MAP3K19: variants seen among roughly 807,000 people sequenced by gnomAD.
The protein encoded by MAP3K19 is SPS1/STE20-related protein kinase YSK4.
A neutral mutation model predicts 114.4 loss-of-function variants in MAP3K19; 91 were observed. The observed-to-expected ratio is 0.80, with a 90% CI of 0.67 to 0.95. MAP3K19 has a LOEUF of 0.95. Ranked by LOEUF, MAP3K19 falls within the 40% of genes least tolerant of loss-of-function variation. The pLI is 0.00. For synonymous variants in MAP3K19, 518 were observed against 530.5 expected (o/e 0.98, Z 0.32); for missense variants, 1,471 against 1,573.2 (o/e 0.94, Z 1.10).
At chr2:135,026,066 T>C (rs1688248442) in intron 3 of MAP3K19, among the ~76,000 whole-genome samples, 1 of 152,216 alleles carries the variant, frequency 6.6e-6, no homozygotes, top group South Asian at 2.1e-4. Context: ...TGGACTTTTC[T>C]TCATCAAAGA....
At chr2:134,966,353 T>G (rs1683345916) in intron 12 of MAP3K19, among the ~76,000 whole-genome samples, 1 of 152,174 alleles carries the variant, frequency 6.6e-6, no homozygotes, top group African/African-American at 2.4e-5. Context: ...TAATTTACAT[T>G]CACACCCAAC....
chr2:134,997,589 G>T (rs1378085179), intron 8 of MAP3K19, among the ~76,000 whole-genome samples: 2 of 152,090 alleles, frequency 1.3e-5, no homozygotes, highest in African/African-American at 4.8e-5. Flanking sequence ...GGGAGGCCAA[G>T]GTGGGAGGAT....
In MAP3K19 at chr2:135,044,385, G is replaced by A. The variant is rs574397947; in HGVS notation, c.-424+2800C>T. Among the ~76,000 whole-genome samples the A allele has an allele frequency of 9.1e-4, 138 of 152,314 alleles. 1 individual carries two copies. The highest frequency in any genetic ancestry group is 3.0e-3 in the African/African-American group (124 of 41,574). ...GTGGGTGGATCACCCGAGGTCAGGA[G>A]TTCGAGACCAACTTGGCCAACGTGG... On this transcript the variant is annotated intron_variant, in intron 1 of 12. Coordinates refer to ENST00000392915, the MANE Select transcript of MAP3K19 (RefSeq NM_025052.5).
intron 9 of MAP3K19, among the ~76,000 whole-genome samples, chr2:134,990,712 T>C (rs1171575801): frequency 6.6e-6 from 1 of 152,092 alleles, no homozygotes; most frequent in Non-Finnish European, 1.5e-5. Context: ...CTTATCCTCG[T>C]GAACCACCCG....
intron 12 of MAP3K19, among the ~76,000 whole-genome samples, chr2:134,967,459 T>C (rs574715574): frequency 7.0e-4 from 106 of 152,322 alleles, no homozygotes; most frequent in African/African-American, 2.2e-3. Context: ...TAAAACCTGA[T>C]TGTACATTTG....
At chr2:135,041,528 C>T (rs1171866918) in intron 1 of MAP3K19, among the ~76,000 whole-genome samples, 1 of 151,896 alleles carries the variant, frequency 6.6e-6, no homozygotes, top group Non-Finnish European at 1.5e-5. Context: ...TTGGTAGAGA[C>T]GAGTTGGCCA....
chr2:135,010,393 G>A (rs1687139885), intron 5 of MAP3K19, among the ~76,000 whole-genome samples: 1 of 152,190 alleles, frequency 6.6e-6, no homozygotes, highest in African/African-American at 2.4e-5. Context: ...TTTAAGATGT[G>A]CTTGGGTGCC....
rs1466567814 is a variant in MAP3K19 at position 135,033,895 on chromosome 2, G to A, written c.-283-3395C>T. The stretch of plus-strand genomic sequence containing the variant: ...GGGGGCTGACCCCCACCTCCCTCCC[G>A]GACGGGGTGGCTGCCGGGCGGAGAC... On this transcript the variant is annotated intron_variant, in intron 2 of 12. Transcript: ENST00000392915. 1.1e-3 allele frequency among the ~76,000 whole-genome samples: 53 copies of A among 49,080 alleles called. 4 individuals carry two copies. The highest frequency in any genetic ancestry group is 8.5e-3 in the African/African-American group (50 of 5,890). 32.2% of individuals were successfully genotyped at this position (49,080 alleles called of 152,430 possible).
intron 12 of MAP3K19, among the ~76,000 whole-genome samples, chr2:134,965,885 C>T (rs1258165305): frequency 6.6e-6 from 1 of 152,170 alleles, no homozygotes; most frequent in African/African-American, 2.4e-5. Context: ...CCTGCCCCAC[C>T]ACATACACAC....
At chr2:135,009,717 A>AT (rs1382357619) in intron 5 of MAP3K19, among the ~76,000 whole-genome samples, 1 of 152,118 alleles carries the variant, frequency 6.6e-6, no homozygotes, top group Non-Finnish European at 1.5e-5. Flanking sequence ...ATTTACATAT[A>AT]TAGTACCAGA....
rs754339078 is a variant in MAP3K19, at chr2:135,021,694, T to C, written c.138+21A>G. The C allele has an allele frequency of 3.5e-6, 5 of 1,436,796 alleles. No individual in the cohort carries two copies. The Middle Eastern group carries it at 5.3e-4, about 152-fold the overall frequency. 89.0% of individuals were successfully genotyped at this position (1,436,796 alleles called of 1,614,324 possible). On this transcript the variant is annotated intron_variant, in intron 5 of 12. Coordinates refer to ENST00000392915, the MANE Select transcript of MAP3K19 (RefSeq NM_025052.5). ...TAGATGGAGTAGGCTGTCCGTTGTT[T>C]CTTTAAAGGGAGGCTCTTACCTCAC...
chr2:135,036,637 ATGTGTGTGTGTGTGTG>A (rs57859657), intron 2 of MAP3K19, among the ~76,000 whole-genome samples: 1,808 of 140,282 alleles, frequency 0.013, 31 homozygotes, highest in African/African-American at 0.043. Flanking sequence ...GTTCAACATT[ATGTGTGTGTGTGTGTG>A]TGTGTGTGTG....
At chr2:134,984,631 A>G (rs72974396) in intron 10 of MAP3K19, among the ~76,000 whole-genome samples, 2,084 of 152,260 alleles carry the variant, frequency 0.014, 58 homozygotes, top group African/African-American at 0.048. Flanking sequence ...TTTACCTTGT[A>G]TGTTCTTCTG....
At chr2:135,043,546 G>A (rs151320983) in intron 1 of MAP3K19, among the ~76,000 whole-genome samples, 225 of 152,202 alleles carry the variant, frequency 1.5e-3, no homozygotes, top group Non-Finnish European at 3.0e-3. Flanking sequence ...TACTGGCCTC[G>A]CCATCAACAG....
At chr2:134,967,296 C>A (rs1683426153) in intron 12 of MAP3K19, among the ~76,000 whole-genome samples, 1 of 152,172 alleles carries the variant, frequency 6.6e-6, no homozygotes, top group Admixed American at 6.5e-5. Context: ...TGAAAAGTGG[C>A]CTCATGGGAT....
In MAP3K19 at chr2:134,986,296, G is replaced by A. The variant is rs1213544910; in HGVS notation, c.2576C>T (p.Pro859Leu). The A allele has an allele frequency of 6.2e-7, 1 of 1,613,830 alleles. No individual in the cohort carries two copies. The highest frequency in any genetic ancestry group is 1.3e-5 in the African/African-American group (1 of 74,910). The change falls in exon 10 of 13, where the codon CCC becomes CTC. Residue 859 changes from proline (P) to leucine (L), a missense_variant. By Grantham distance (98) the Pro-to-Leu change is moderately conservative (BLOSUM62 -3). Transcript: ENST00000392915. ...ATACTTGTTAGAATTCTTCTCACTG[G>A]GCACTGCCCAGCTGTCTTCTGAAGG... ...FIPSEDSWAV[P>L]SEKNSNKYVQ...
intron 10 of MAP3K19, among the ~76,000 whole-genome samples, chr2:134,984,320 C>T (rs970083009): frequency 6.6e-6 from 1 of 152,164 alleles, no homozygotes; most frequent in Non-Finnish European, 1.5e-5. Context: ...CTCATACACA[C>T]ATATTCACAT....
At chr2:135,031,750 G>A (rs951842160) in intron 2 of MAP3K19, among the ~76,000 whole-genome samples, 1 of 152,232 alleles carries the variant, frequency 6.6e-6, no homozygotes, top group Non-Finnish European at 1.5e-5. Context: ...TGGAGATTTA[G>A]TGGCTGAGGG....
chr2:135,008,903 T>G (rs1687019597), intron 5 of MAP3K19, among the ~76,000 whole-genome samples: 1 of 152,052 alleles, frequency 6.6e-6, no homozygotes, highest in Admixed American at 6.6e-5. Flanking sequence ...CTCAGCCTCC[T>G]GAGTAGCTGG....
Sources: gnomAD v4.1 joint callset for allele counts (sites outside exome capture counted in the v4.1 genomes callset) on GRCh38, gnomAD v4.1.1 for gene constraint, MANE v1.5 for transcripts, NCBI Gene and HGNC (gene_info 2026-07-23, HGNC 2026-07-21) for gene names.